Variants in SPATA13 observed in about 807,000 individuals in gnomAD.
SPATA13 encodes spermatogenesis-associated protein 13.
In SPATA13, 50 loss-of-function variants were observed where a neutral mutation model predicts 104.0. The observed-to-expected ratio is 0.48, with a 90% CI of 0.38 to 0.61. The LOEUF (loss-of-function observed/expected upper bound fraction) is 0.61. SPATA13 is among the 20% of genes least tolerant of loss of function. The pLI is 0.00. For missense variants in SPATA13, 1,524 were observed against 1,690.6 expected, an observed-to-expected ratio of 0.90 and a Z score of 1.73; for synonymous variants, 606 against 667.5, an observed-to-expected ratio of 0.91 and a Z score of 1.42.
intron 3 of SPATA13, among the ~76,000 whole-genome samples, chr13:24,102,265 A>G (rs919949332): frequency 5.9e-5 from 9 of 152,128 alleles, no homozygotes; most frequent in Admixed American, 3.9e-4. Flanking sequence ...CCTATTGTCT[A>G]CTTGCGTATC....
intron 3 of SPATA13, among the ~76,000 whole-genome samples, chr13:24,058,671 T>G (rs553860235): frequency 5.3e-5 from 8 of 152,064 alleles, no homozygotes; most frequent in African/African-American, 1.9e-4. Flanking sequence ...AGTTGCTTAT[T>G]TTTAAGTTTG....
At chr13:24,252,931 C>A (rs2760373) in intron 4 of SPATA13, 40,878 of 152,002 alleles carry the variant, frequency 0.27, 7,029 homozygotes, top group African/African-American at 0.5. Context: ...ATCCAGTGAG[C>A]ACTTTATCTG....
At chr13:24,038,239 A>G (rs924881746) in intron 3 of SPATA13, among the ~76,000 whole-genome samples, 11 of 152,200 alleles carry the variant, frequency 7.2e-5, no homozygotes, top group African/African-American at 2.7e-4. Flanking sequence ...TAACAAATAT[A>G]TACTGTGGTC....
intron 3 of SPATA13, among the ~76,000 whole-genome samples, chr13:24,108,951 CTTTTA>C (rs894475682): frequency 1.4e-3 from 219 of 151,396 alleles, no homozygotes; most frequent in African/African-American, 5.0e-3. Flanking sequence ...CCAGCTCTCT[CTTTTA>C]TTTTATTTTA....
chr13:24,248,812 T>C (rs551391865), intron 2 of SPATA13, among the ~76,000 whole-genome samples: 1 of 152,230 alleles, frequency 6.6e-6, no homozygotes, highest in Non-Finnish European at 1.5e-5. Context: ...TTTCTTCTCC[T>C]GGCAGGTCTT....
chr13:24,206,802 G>C (rs1870721854), intron 1 of SPATA13, among the ~76,000 whole-genome samples: 1 of 150,870 alleles, frequency 6.6e-6, no homozygotes, highest in African/African-American at 2.4e-5. Context: ...TGAGGCAGGA[G>C]AATCACTTGA....
At chr13:24,251,339 C>T (rs934697788) in intron 3 of SPATA13, 13 of 450,282 alleles carry the variant, frequency 2.9e-5, no homozygotes, top group Non-Finnish European at 3.5e-5. Context: ...GTCCTGGCTT[C>T]CTCCAGAGGC....
intron 2 of SPATA13, among the ~76,000 whole-genome samples, chr13:24,013,318 C>T (rs560890293): frequency 1.3e-4 from 20 of 152,348 alleles, no homozygotes; most frequent in African/African-American, 4.8e-4. Flanking sequence ...ATGCCCACTG[C>T]CAGCCCGTTC....
intron 2 of SPATA13, among the ~76,000 whole-genome samples, chr13:24,237,154 G>A (rs569577073): frequency 3.0e-4 from 46 of 152,192 alleles, no homozygotes; most frequent in African/African-American, 9.2e-4. Flanking sequence ...TCAGGAGTTC[G>A]AGACCAGCCT....
rs1871820423 is a variant in SPATA13 at position 24,224,544 on chromosome 13, G to T, written c.1615G>T (p.Gly539Cys). 1.3e-6 allele frequency: 2 copies of T among 1,542,986 alleles called. No individual in the cohort carries two copies. Among genetic ancestry groups the T allele is most frequent in the Non-Finnish European group, 1.7e-6 (2 of 1,146,928 alleles). Residue 539 changes from glycine (G) to cysteine (C), a missense_variant, in exon 2 of 13, where the codon GGT (glycine) becomes TGT (cysteine). Coordinates refer to ENST00000382108, the MANE Select transcript of SPATA13 (RefSeq NM_001166271.3). ...CAGCAAGGACCTTCTGGTGAACATT[G>T]GTGTGGCAGCCGGCCCAGAAGAAAA... The part of the protein sequence containing the change: ...EGSKDLLVNI[G>C]VAAGPEEKEK...
rs779821499 is a variant in SPATA13, at chr13:24,290,686, A to G, written c.2882A>G (p.Asn961Ser). ...EGFAIYSEYC[N>S]NHPGACLELA... Reference sequence around the variant, plus strand: ...TTTGCCATCTATTCCGAGTACTGCAACAACCACCCGGGCGCCTGCCTGGAG... The same window carrying G: ...TTTGCCATCTATTCCGAGTACTGCAGCAACCACCCGGGCGCCTGCCTGGAG... The change falls in exon 9 of 13, where the codon AAC (asparagine) becomes AGC (serine). Residue 961 changes from asparagine to serine, a missense_variant. Asn to Ser is a conservative substitution (Grantham distance 46). Transcript: ENST00000382108. 6 of 1,614,062 alleles carry G rather than the reference A, an allele frequency of 3.7e-6. No homozygotes were observed. The Admixed American group carries it at 6.7e-5, about 18-fold the overall frequency.
At chr13:24,059,008 G>C (rs770766007) in intron 3 of SPATA13, among the ~76,000 whole-genome samples, 1 of 151,626 alleles carries the variant, frequency 6.6e-6, no homozygotes, top group Non-Finnish European at 1.5e-5. Context: ...GTCTTGCTCT[G>C]TCACCCAGGC....
intron 2 of SPATA13, among the ~76,000 whole-genome samples, chr13:23,987,001 C>CTGTGTGTGTGTG (rs113990315): frequency 0.017 from 2,438 of 141,482 alleles, 45 homozygotes; most frequent in South Asian, 0.041. Flanking sequence ...ATGGATATAT[C>CTGTGTGTGTGTG]TGTGTGTGTG....
intron 3 of SPATA13, among the ~76,000 whole-genome samples, chr13:24,025,836 G>T (rs1379928667): frequency 1.4e-5 from 2 of 144,384 alleles, no homozygotes; most frequent in Non-Finnish European, 3.0e-5. Context: ...TTGAGACGGA[G>T]TCTCACTCTA....
At position 24,205,721 on chromosome 13, in the gene SPATA13, G is replaced by C. The variant is rs1163015336; in HGVS notation, c.-111-17098G>C. Among the ~76,000 whole-genome samples, 1 of 152,068 alleles carries C rather than the reference G, an allele frequency of 6.6e-6. No individual in the cohort carries two copies. The highest frequency in any genetic ancestry group is 1.5e-5 in the Non-Finnish European group (1 of 68,018). On this transcript the variant is annotated intron_variant, in intron 1 of 12. Coordinates refer to ENST00000382108, the MANE Select transcript of SPATA13 (RefSeq NM_001166271.3). The surrounding 1 kb of genome is among the most constrained non-coding windows in gnomAD (Gnocchi z 4.1). Reference sequence around the variant, plus strand: ...ACAGTAACCAAAATCACATGGTACTGGTACAAGAACAGACAAATAGACAAA... The same window carrying C: ...ACAGTAACCAAAATCACATGGTACTCGTACAAGAACAGACAAATAGACAAA...
chr13:24,283,717 C>G (rs986635990), intron 4 of SPATA13, among the ~76,000 whole-genome samples: 1 of 152,220 alleles, frequency 6.6e-6, no homozygotes, highest in Admixed American at 6.5e-5. Context: ...TTTAGTAATA[C>G]TGTTGCCTTG....
chr13:24,252,915 T>C (rs1014939886), intron 4 of SPATA13: 2 of 152,140 alleles, frequency 1.3e-5, no homozygotes, highest in Non-Finnish European at 2.9e-5. Context: ...CAGGAGCTAG[T>C]GAGGTATCCA....
chr13:24,293,858 A>T (rs1286377314), intron 9 of SPATA13, among the ~76,000 whole-genome samples: 1 of 152,192 alleles, frequency 6.6e-6, no homozygotes, highest in Non-Finnish European at 1.5e-5. Flanking sequence ...TAAATAGACA[A>T]TAGAATCTGC....
At chr13:24,199,968 G>A (rs1870307570) in intron 1 of SPATA13, among the ~76,000 whole-genome samples, 1 of 152,092 alleles carries the variant, frequency 6.6e-6, no homozygotes. Context: ...GGACCATCTG[G>A]GTTCCAATCC....
Sources: gnomAD v4.1 joint callset for allele counts (sites outside exome capture counted in the v4.1 genomes callset) on GRCh38, gnomAD v4.1.1 for gene constraint, Gnocchi (gnomAD v3.1) non-coding constraint, MANE v1.5 for transcripts, NCBI Gene and HGNC (gene_info 2026-07-23, HGNC 2026-07-21) for gene names.